Variants in STXBP5L observed in about 807,000 individuals in gnomAD.
STXBP5L encodes the protein syntaxin-binding protein 5-like.
In STXBP5L, 65 loss-of-function variants were observed where a neutral mutation model predicts 144.5. That is an observed-to-expected ratio of 0.45 (90% CI 0.37 to 0.55). The LOEUF (loss-of-function observed/expected upper bound fraction) is 0.55. Ranked by LOEUF, STXBP5L falls within the 20% of genes least tolerant of loss-of-function variation. STXBP5L has a pLI of 0.00. For synonymous variants in STXBP5L, 505 were observed against 469.6 expected (o/e 1.08, Z -0.97); for missense variants, 1,298 against 1,405.5 (o/e 0.92, Z 1.22).
chr3:120,955,122 C>A (rs1396838114), intron 3 of STXBP5L, 85 bp downstream of exon 3: 6 of 951,810 alleles, frequency 6.3e-6, no homozygotes, highest in Non-Finnish European at 9.4e-6. Flanking sequence ...ATATTTATGA[C>A]CAAATAAAGT....
At chr3:120,934,937 TA>T (rs1313653512) in intron 2 of STXBP5L, among the ~76,000 whole-genome samples, 2 of 152,128 alleles carry the variant, frequency 1.3e-5, no homozygotes, top group African/African-American at 4.8e-5. Context: ...ACTGGTTTTT[TA>T]ATCCACCTTG....
chr3:121,115,801 A>T (rs2044207261), intron 6 of STXBP5L, among the ~76,000 whole-genome samples: 1 of 152,148 alleles, frequency 6.6e-6, no homozygotes, highest in African/African-American at 2.4e-5. Context: ...AGTTAGGAGC[A>T]GGCATGTCAT....
At chr3:121,312,568 AC>A (rs2043578207) in intron 19 of STXBP5L, among the ~76,000 whole-genome samples, 1 of 147,094 alleles carries the variant, frequency 6.8e-6, no homozygotes, top group South Asian at 2.2e-4. Context: ...AAACAAGTGA[AC>A]AAAGGTCTCT....
At chr3:121,160,636 A>T (rs528158172) in intron 9 of STXBP5L, among the ~76,000 whole-genome samples, 1 of 152,126 alleles carries the variant, frequency 6.6e-6, no homozygotes, top group Non-Finnish European at 1.5e-5. Flanking sequence ...ACTGGGAATA[A>T]CCATAGTTGA....
At chr3:121,234,887 T>A (rs993901314) in intron 12 of STXBP5L, among the ~76,000 whole-genome samples, 2 of 152,070 alleles carry the variant, frequency 1.3e-5, no homozygotes, top group Non-Finnish European at 2.9e-5. Context: ...GGTACTCAAC[T>A]CGTCTTTCTA....
chr3:121,341,730 G>A (rs1043150145), intron 20 of STXBP5L, among the ~76,000 whole-genome samples: 2 of 152,002 alleles, frequency 1.3e-5, no homozygotes, highest in East Asian at 1.9e-4. Context: ...ATGGAACTGG[G>A]GGTAATTATG....
At chr3:121,087,873 A>T (rs1373986761) in intron 5 of STXBP5L, among the ~76,000 whole-genome samples, 1 of 152,100 alleles carries the variant, frequency 6.6e-6, no homozygotes, top group African/African-American at 2.4e-5. Context: ...TTTATTATAT[A>T]CAAACAACTT....
chr3:121,316,893 C>T (rs2043806352), intron 19 of STXBP5L, among the ~76,000 whole-genome samples: 1 of 152,278 alleles, frequency 6.6e-6, no homozygotes, highest in African/African-American at 2.4e-5. Flanking sequence ...CTAGTTCTAG[C>T]AGCCTCCTCC....
intron 7 of STXBP5L, among the ~76,000 whole-genome samples, chr3:121,134,157 G>A (rs903461555): frequency 6.6e-6 from 1 of 152,136 alleles, no homozygotes; most frequent in Admixed American, 6.5e-5. Flanking sequence ...AAGGCATTTG[G>A]TGAGAACCTT....
At chr3:121,074,431 G>A (rs2041936692) in intron 5 of STXBP5L, among the ~76,000 whole-genome samples, 1 of 152,076 alleles carries the variant, frequency 6.6e-6, no homozygotes, top group Non-Finnish European at 1.5e-5. Context: ...GCACATCTTT[G>A]CATTATCCCA....
chr3:121,208,001 A>G (rs1346635455), intron 10 of STXBP5L, among the ~76,000 whole-genome samples: 1 of 152,228 alleles, frequency 6.6e-6, no homozygotes, highest in Non-Finnish European at 1.5e-5. Context: ...CCAAAGGATT[A>G]TAAATCATGC....
At chr3:121,128,792 TG>T in intron 7 of STXBP5L, among the ~76,000 whole-genome samples, 1 of 152,190 alleles carries the variant, frequency 6.6e-6, no homozygotes, top group African/African-American at 2.4e-5. Context: ...GTTTAATTTT[TG>T]ACAGTCACCA....
At chr3:121,210,464 G>A (rs929063475) in intron 10 of STXBP5L, among the ~76,000 whole-genome samples, 1 of 152,150 alleles carries the variant, frequency 6.6e-6, no homozygotes, top group East Asian at 1.9e-4. Flanking sequence ...TTTGGCTTTT[G>A]TTGCCATTGC....
chr3:121,155,853 C>T (rs962346019), intron 8 of STXBP5L, among the ~76,000 whole-genome samples: 15 of 151,806 alleles, frequency 9.9e-5, no homozygotes, highest in African/African-American at 2.7e-4. Flanking sequence ...TTATATCTGT[C>T]CTCTCCAGTA....
intron 2 of STXBP5L, among the ~76,000 whole-genome samples, chr3:120,932,134 A>T (rs923787501): frequency 6.6e-6 from 1 of 152,176 alleles, no homozygotes; most frequent in African/African-American, 2.4e-5. Context: ...ATCTCAACAT[A>T]GAAAAAGTAC....
chr3:121,329,732 G>A (rs1054075841), intron 20 of STXBP5L, among the ~76,000 whole-genome samples: 2 of 151,912 alleles, frequency 1.3e-5, no homozygotes, highest in African/African-American at 2.4e-5. Context: ...ATGGTGGCAG[G>A]CGCCTATAAT....
intron 9 of STXBP5L, among the ~76,000 whole-genome samples, chr3:121,169,250 G>A (rs565463382): frequency 1.8e-4 from 27 of 152,272 alleles, no homozygotes; most frequent in African/African-American, 4.3e-4. Context: ...AAATTGTAAG[G>A]ATCATCCACC....
rs575157153 is a variant in STXBP5L at position 121,068,191 on chromosome 3, G to A, written c.470+22656G>A. On this transcript the variant is annotated intron_variant, in intron 5 of 26. Transcript: ENST00000471454. ...TGCCCAGCTAATTTTTGTCATTTTA[G>A]TAGAAATGTGGTTTCACCATGTTGG... Among the ~76,000 whole-genome samples, 9 of 152,208 alleles carry A rather than the reference G, an allele frequency of 5.9e-5. No individual in the cohort carries two copies. The South Asian group carries it at 1.9e-3, about 32-fold the overall frequency.
At chr3:121,195,993 G>A (rs1202414655) in intron 9 of STXBP5L, among the ~76,000 whole-genome samples, 1 of 152,000 alleles carries the variant, frequency 6.6e-6, no homozygotes, top group East Asian at 1.9e-4. Flanking sequence ...TGCCTCCAGC[G>A]TTGTTATTCT....
Sources: allele counts gnomAD v4.1 joint callset (sites outside exome capture counted in the v4.1 genomes callset), GRCh38; gene constraint gnomAD v4.1.1; transcripts MANE v1.5; gene names NCBI Gene and HGNC (gene_info 2026-07-23, HGNC 2026-07-21).